FNIP2: variants seen among roughly 807,000 people sequenced by gnomAD.
FNIP2 encodes folliculin interacting protein 2.
A neutral mutation model predicts 108.7 loss-of-function variants in FNIP2; 32 were observed. The observed-to-expected ratio is 0.29, with a 90% CI of 0.22 to 0.40. FNIP2 has a LOEUF of 0.40. Ranked by LOEUF, FNIP2 falls within the 10% of genes least tolerant of loss-of-function variation. The probability of loss-of-function intolerance (pLI) is 1.00; values close to 1 mark genes in which losing one functional copy is unlikely to be tolerated. For missense variants in FNIP2, 1,202 were observed against 1,381.6 expected (o/e 0.87, Z 2.06); for synonymous variants, 480 against 496.7 (o/e 0.97, Z 0.45).
chr4:158,792,681 A>G (rs1776460754), intron 1 of FNIP2, among the ~76,000 whole-genome samples: 1 of 152,168 alleles, frequency 6.6e-6, no homozygotes, highest in Non-Finnish European at 1.5e-5. Context: ...CTAACCCTTT[A>G]TTTCCCCCTA....
intron 14 of FNIP2, chr4:158,871,855 T>C (rs928862494): frequency 5.1e-6 from 5 of 985,454 alleles, no homozygotes; most frequent in Non-Finnish European, 6.0e-6. Context: ...ATGCCCTCAT[T>C]GTATAATGCT....
rs767597152 is a variant in FNIP2 at position 158,868,809 on chromosome 4, G to A, written c.2173G>A (p.Ala725Thr). The change falls in exon 13 of 17, where the codon GCA becomes ACA. Residue 725 changes from alanine (A) to threonine (T), a missense_variant. Coordinates refer to ENST00000264433, the MANE Select transcript of FNIP2 (RefSeq NM_020840.3). The surrounding 1 kb of genome is among the most constrained non-coding windows in gnomAD (Gnocchi z 4.6). Reference sequence around the variant, plus strand: ...GGTCACTTTCCAGATTGGAAGCTTTGCATCTCCAGAGTCTGACTTTGAAAG... The same window carrying A: ...GGTCACTTTCCAGATTGGAAGCTTTACATCTCCAGAGTCTGACTTTGAAAG... Reference protein sequence around the residue: ...EKVTFQIGSFASPESDFESRM... With the variant: ...EKVTFQIGSFTSPESDFESRM... 6.2e-7 allele frequency: 1 copy of A among 1,613,732 alleles called. No homozygotes were observed. Among genetic ancestry groups the A allele is most frequent in the East Asian group, 2.2e-5 (1 of 44,884 alleles).
intron 8 of FNIP2, among the ~76,000 whole-genome samples, chr4:158,852,114 G>A (rs1013968560): frequency 1.3e-5 from 2 of 152,172 alleles, no homozygotes; most frequent in Admixed American, 6.5e-5. Context: ...GTAGAGATCC[G>A]TGAAGGTATA....
At chr4:158,829,254 C>G (rs1394258908) in intron 3 of FNIP2, 29 bp downstream of exon 3, 3 of 1,557,706 alleles carry the variant, frequency 1.9e-6, no homozygotes, top group Non-Finnish European at 2.6e-6. Context: ...TGGGAATAGC[C>G]CCTGAGGTTA....
At chr4:158,860,571 GGGAAAGCACT>G (rs1200853139) in intron 10 of FNIP2, among the ~76,000 whole-genome samples, 2 of 151,916 alleles carry the variant, frequency 1.3e-5, no homozygotes, top group East Asian at 3.9e-4. Context: ...CATAGTTTTT[GGGAAAGCACT>G]GGAGATTTGC....
intron 1 of FNIP2, among the ~76,000 whole-genome samples, chr4:158,774,714 A>T (rs1775805691): frequency 6.6e-6 from 1 of 152,212 alleles, no homozygotes; most frequent in African/African-American, 2.4e-5. Flanking sequence ...TTCAGAGCCC[A>T]GTGTAGTCTT....
intron 1 of FNIP2, among the ~76,000 whole-genome samples, chr4:158,796,662 T>C (rs1345832746): frequency 6.6e-6 from 1 of 152,254 alleles, no homozygotes; most frequent in Non-Finnish European, 1.5e-5. Context: ...TGGGCTTGTG[T>C]ATATAAAAAT....
rs146396517 is a variant in FNIP2 at position 158,806,292 on chromosome 4, G to A, written c.108-19624G>A. Reference sequence around the variant, plus strand: ...ACACCACAAACCAGCCAGAGAGCTGGCAAGACTCTGCCAGATGTGTGAGTG... The same window carrying A: ...ACACCACAAACCAGCCAGAGAGCTGACAAGACTCTGCCAGATGTGTGAGTG... On this transcript the variant is annotated intron_variant, in intron 1 of 16. Transcript: ENST00000264433. The A allele has an allele frequency of 1.6e-5, 20 of 1,289,370 alleles. No homozygotes were observed. The East Asian group carries it at 8.9e-4, about 57-fold the overall frequency. 79.9% of individuals were successfully genotyped at this position (1,289,370 alleles called of 1,614,324 possible). A position where few individuals can be genotyped will look rare whatever the true frequency, so the allele number is the denominator to read the frequency against.
chr4:158,832,759 A>G (rs902931034), intron 5 of FNIP2, among the ~76,000 whole-genome samples: 1 of 152,238 alleles, frequency 6.6e-6, no homozygotes, highest in Non-Finnish European at 1.5e-5. Flanking sequence ...ACTTAAGCCA[A>G]TATGAGAATT....
At chr4:158,875,704 T>A (rs560763534) in intron 14 of FNIP2, among the ~76,000 whole-genome samples, 1 of 151,932 alleles carries the variant, frequency 6.6e-6, no homozygotes, top group African/African-American at 2.4e-5. Context: ...AAAGAAAACA[T>A]CTATGTAGGA....
chr4:158,907,613 TCCGCTAATATGTACTTTAG>T lies in FNIP2; in HGVS notation c.*3070_*3088del. On this transcript the variant is annotated 3_prime_UTR_variant, in exon 17 of 17. Coordinates refer to ENST00000264433, the MANE Select transcript of FNIP2 (RefSeq NM_020840.3). Reference sequence around the variant, plus strand: ...AAAATTCTTTTAAAGTCTGGATTTTTCCGCTAATATGTACTTTAGAGAATATTTTGTTCATGCATACTTC... The same window carrying T: ...AAAATTCTTTTAAAGTCTGGATTTTTAGAATATTTTGTTCATGCATACTTC... 6.6e-6 allele frequency: 1 copy of T among 152,346 alleles called. No individual in the cohort carries two copies. The highest frequency in any genetic ancestry group is 2.4e-5 in the African/African-American group (1 of 41,588). The allele number at this position is 152,346 out of a possible 1,614,324, so 9.4% of individuals were successfully genotyped here. A position where few individuals can be genotyped will look rare whatever the true frequency, so the allele number is the denominator to read the frequency against.
chr4:158,781,759 C>T lies in FNIP2; in HGVS notation c.107+12440C>T, dbSNP rs115291036. Among the ~76,000 whole-genome samples the T allele has an allele frequency of 2.9e-3, 444 of 152,236 alleles. 2 individuals are homozygous for T. Among genetic ancestry groups the T allele is most frequent in the African/African-American group, 9.8e-3 (406 of 41,530 alleles). On this transcript the variant is annotated intron_variant, in intron 1 of 16. Coordinates refer to ENST00000264433, the MANE Select transcript of FNIP2 (RefSeq NM_020840.3). The stretch of plus-strand genomic sequence containing the variant: ...CTCGAACTCCTGGCTTCAAGTGATC[C>T]GCCTGTCTTGGCCTCCGCAAGGTGC...
intron 7 of FNIP2, among the ~76,000 whole-genome samples, chr4:158,845,197 T>C (rs979904150): frequency 7.9e-5 from 12 of 152,246 alleles, no homozygotes; most frequent in African/African-American, 2.9e-4. Context: ...ATAGCACTTT[T>C]GAAACTGAAA....
chr4:158,818,718 G>A (rs1472444293), intron 1 of FNIP2, among the ~76,000 whole-genome samples: 1 of 152,220 alleles, frequency 6.6e-6, no homozygotes, highest in Non-Finnish European at 1.5e-5. Flanking sequence ...AAGGAATTGT[G>A]TATCTGAGTA....
intron 3 of FNIP2, among the ~76,000 whole-genome samples, chr4:158,831,387 CTG>C (rs1427734920): frequency 2.6e-5 from 4 of 152,216 alleles, no homozygotes; most frequent in Non-Finnish European, 5.9e-5. Flanking sequence ...ATCAGACCAT[CTG>C]TTATCTTTTG....
intron 1 of FNIP2, among the ~76,000 whole-genome samples, chr4:158,821,918 T>C (rs185499676): frequency 6.6e-6 from 1 of 152,176 alleles, no homozygotes; most frequent in Non-Finnish European, 1.5e-5. Flanking sequence ...TAAAACCCTC[T>C]CTCTACAAAA....
chr4:158,861,727 G>C lies in FNIP2; in HGVS notation c.1416G>C (p.Val472=), dbSNP rs1203973339. 3 of 1,613,996 alleles carry C rather than the reference G, an allele frequency of 1.9e-6. No homozygotes were observed. In the South Asian group the frequency reaches 3.3e-5, roughly 18 times the overall value. ...CAGAGAAACGTACCTCCCAGTCAGT[G>C]AACATGCTGGCCAAAACACATCCGT... The part of the protein sequence containing the change: ...AFSEKRTSQS[V]NMLAKTHPYN... Residue 472 remains valine, a synonymous_variant, in exon 12 of 17, where the codon GTG becomes GTC. Coordinates refer to ENST00000264433, the MANE Select transcript of FNIP2 (RefSeq NM_020840.3).
At chr4:158,781,968 A>G (rs533637978) in intron 1 of FNIP2, among the ~76,000 whole-genome samples, 14 of 152,276 alleles carry the variant, frequency 9.2e-5, no homozygotes, top group South Asian at 6.2e-4. Flanking sequence ...ACTAGAGATA[A>G]TACCTATCAA....
chr4:158,858,555 T>A (rs537156523), intron 8 of FNIP2, among the ~76,000 whole-genome samples: 1 of 152,312 alleles, frequency 6.6e-6, no homozygotes, highest in African/African-American at 2.4e-5. Context: ...GAGAGCTTAA[T>A]CATATGGCTT....
Sources: gnomAD v4.1 joint callset for allele counts (sites outside exome capture counted in the v4.1 genomes callset) on GRCh38, gnomAD v4.1.1 for gene constraint, Gnocchi (gnomAD v3.1) non-coding constraint, MANE v1.5 for transcripts, NCBI Gene and HGNC (gene_info 2026-07-23, HGNC 2026-07-21) for gene names.